FRMD3: variants seen among roughly 807,000 people sequenced by gnomAD.
The protein encoded by FRMD3 is FERM domain-containing protein 3.
FRMD3 carries 33 observed loss-of-function variants against 70.2 expected under a neutral mutation model. That is an observed-to-expected ratio of 0.47 (90% CI 0.36 to 0.63). The LOEUF is 0.63. FRMD3 is among the 20% of genes least tolerant of loss of function. The pLI is 0.00. For missense variants in FRMD3, 632 were observed against 711.4 expected (o/e 0.89, Z 1.27); for synonymous variants, 279 against 255.9 (o/e 1.09, Z -0.86).
chr9:83,343,239 C>A lies in FRMD3; in HGVS notation c.423G>T (p.Leu141=). The A allele has an allele frequency of 1.2e-6, 2 of 1,614,056 alleles. No homozygotes were observed. Among genetic ancestry groups the A allele is most frequent in the Non-Finnish European group, 1.7e-6 (2 of 1,179,946 alleles). ...AGGCAGCATCAGAAAAGGAGCACAG[C>A]AGGCGGCCATGAAAAATGTCCCTTT... ...QIKRDIFHGR[L]LCSFSDAAYL... Residue 141 remains leucine (L), a synonymous_variant, in exon 5 of 14, where the codon CTG becomes CTT. Coordinates refer to ENST00000304195, the MANE Select transcript of FRMD3 (RefSeq NM_174938.6).
Position 83,246,969 on chromosome 9 carries a change from C to G in FRMD3, c.*949G>C. 3 of 985,420 alleles carry G rather than the reference C, an allele frequency of 3.0e-6. No homozygotes were observed. The highest frequency in any genetic ancestry group is 3.6e-6 in the Non-Finnish European group (3 of 829,932). 61.0% of individuals were successfully genotyped at this position (985,420 alleles called of 1,614,324 possible). ...TTTCTCCAGTTCCTATCTGCCTTCA[C>G]TCTTGGGTTAATGTACATTGATATG... On this transcript the variant is annotated 3_prime_UTR_variant, in exon 14 of 14. Coordinates refer to ENST00000304195, the MANE Select transcript of FRMD3 (RefSeq NM_174938.6).
chr9:83,290,282 G>A (rs372256509), intron 13 of FRMD3, among the ~76,000 whole-genome samples: 1 of 152,186 alleles, frequency 6.6e-6, no homozygotes, highest in Non-Finnish European at 1.5e-5. Context: ...TAATTACAAT[G>A]AATTTAAACT....
intron 1 of FRMD3, among the ~76,000 whole-genome samples, chr9:83,414,046 A>C (rs1826354332): frequency 6.6e-6 from 1 of 152,150 alleles, no homozygotes; most frequent in Admixed American, 6.5e-5. Flanking sequence ...ACTTGTGTTC[A>C]AATAAAATTC....
intron 1 of FRMD3, among the ~76,000 whole-genome samples, chr9:83,510,976 C>T (rs149946115): frequency 1.3e-5 from 2 of 152,252 alleles, no homozygotes; most frequent in African/African-American, 2.4e-5. Flanking sequence ...TACTAACCAC[C>T]GTGGAATTAT....
the FRMD3 span, among the ~76,000 whole-genome samples, chr9:83,545,551 G>C: frequency 6.6e-6 from 1 of 151,902 alleles, no homozygotes; most frequent in Admixed American, 6.6e-5. Flanking sequence ...TAGAGATGGG[G>C]TTTCACCGTG....
chr9:83,377,309 T>C (rs79190687), intron 2 of FRMD3, among the ~76,000 whole-genome samples: 1,943 of 152,290 alleles, frequency 0.013, 33 homozygotes, highest in African/African-American at 0.044. Flanking sequence ...ATGAGACTAA[T>C]GGAAGGATAA....
the FRMD3 span, among the ~76,000 whole-genome samples, chr9:83,561,717 T>G: frequency 1.3e-5 from 2 of 152,300 alleles, no homozygotes; most frequent in Middle Eastern, 3.4e-3. Flanking sequence ...CTCAAAATGA[T>G]TCACATCACT....
chr9:83,260,522 T>TC (rs1176290814), intron 13 of FRMD3, among the ~76,000 whole-genome samples: 1 of 152,118 alleles, frequency 6.6e-6, no homozygotes, highest in East Asian at 1.9e-4. Context: ...CCTGGAACAG[T>TC]CCCACTCTAT....
intron 12 of FRMD3, among the ~76,000 whole-genome samples, chr9:83,294,683 T>C (rs532270479): frequency 2.0e-5 from 3 of 152,322 alleles, no homozygotes; most frequent in Admixed American, 2.0e-4. Context: ...GTAATGTGAC[T>C]AAAGACGCTT....
At chr9:83,357,226 TTATATATATATAATACATACATATA>T (rs1366979191) in intron 3 of FRMD3, among the ~76,000 whole-genome samples, 2 of 15,316 alleles carry the variant, frequency 1.3e-4, no homozygotes, top group African/African-American at 8.2e-4. Context: ...TATATATATT[TTATATATATATAATACATACATATA>T]TATATATATA....
At chr9:83,493,950 AG>A (rs1386250306) in intron 1 of FRMD3, among the ~76,000 whole-genome samples, 1 of 152,200 alleles carries the variant, frequency 6.6e-6, no homozygotes. Context: ...GTGAACTCAT[AG>A]GTACAGCTGC....
intron 1 of FRMD3, among the ~76,000 whole-genome samples, chr9:83,430,858 T>C (rs3860920): frequency 0.067 from 10,237 of 152,076 alleles, 410 homozygotes; most frequent in East Asian, 0.16. Context: ...TGGAGAGGAG[T>C]AACAAACAGC....
At chr9:83,479,435 G>A (rs1174304488) in intron 1 of FRMD3, among the ~76,000 whole-genome samples, 24 of 126,790 alleles carry the variant, frequency 1.9e-4, no homozygotes, top group African/African-American at 4.1e-4. Flanking sequence ...AGGGAAAGAA[G>A]GAAGGAAGGG....
At position 83,322,794 on chromosome 9, in the gene FRMD3, G is replaced by A. The variant is rs570509981; in HGVS notation, c.597-9047C>T. Among the ~76,000 whole-genome samples, 121 of 152,264 alleles carry A rather than the reference G, an allele frequency of 7.9e-4. 1 individual carries two copies. The highest frequency in any genetic ancestry group is 2.8e-3 in the African/African-American group (117 of 41,550). ...TAGTCAGTTCCCAGCTGGGCAAGCTGCCTCGAACCCTCTCCTTACTTCAAG... is the reference window on the plus strand; with the variant it reads ...TAGTCAGTTCCCAGCTGGGCAAGCTACCTCGAACCCTCTCCTTACTTCAAG... On this transcript the variant is annotated intron_variant, in intron 6 of 13. Coordinates refer to ENST00000304195, the MANE Select transcript of FRMD3 (RefSeq NM_174938.6).
intron 1 of FRMD3, among the ~76,000 whole-genome samples, chr9:83,395,234 G>A (rs2131307821): frequency 6.8e-6 from 1 of 147,446 alleles, no homozygotes; most frequent in African/African-American, 2.5e-5. Flanking sequence ...AGGAAGTTAA[G>A]TGGAATAGTA....
chr9:83,360,178 T>C (rs1440408682), intron 3 of FRMD3, among the ~76,000 whole-genome samples: 1 of 152,186 alleles, frequency 6.6e-6, no homozygotes, highest in African/African-American at 2.4e-5. Context: ...CACATGAAAC[T>C]GAAGGCAAGA....
In FRMD3 at chr9:83,342,419, T is replaced by C. The variant is rs549291773; in HGVS notation, c.472+771A>G. Among the ~76,000 whole-genome samples the C allele has an allele frequency of 2.0e-5, 3 of 152,256 alleles. No homozygotes were observed. In the South Asian group the frequency reaches 6.2e-4, roughly 32 times the overall value. Reference sequence around the variant, plus strand: ...GCCTGGTGCAGAGTGGTCTCTGAAATCACATGGCAAGGAAGGGAGGATGAC... The same window carrying C: ...GCCTGGTGCAGAGTGGTCTCTGAAACCACATGGCAAGGAAGGGAGGATGAC... On this transcript the variant is annotated intron_variant, in intron 5 of 13. Transcript: ENST00000304195.
At chr9:83,316,062 T>G (rs1835554165) in intron 6 of FRMD3, among the ~76,000 whole-genome samples, 1 of 152,148 alleles carries the variant, frequency 6.6e-6, no homozygotes, top group Non-Finnish European at 1.5e-5. Flanking sequence ...TTTCTCCTAT[T>G]CCTTTTCTAA....
chr9:83,317,641 T>C (rs755252352), intron 6 of FRMD3, among the ~76,000 whole-genome samples: 1 of 152,226 alleles, frequency 6.6e-6, no homozygotes, highest in Non-Finnish European at 1.5e-5. Flanking sequence ...ATCATTTGGA[T>C]GTTCACTTTG....
Sources: gnomAD v4.1 joint callset for allele counts (sites outside exome capture counted in the v4.1 genomes callset) on GRCh38, gnomAD v4.1.1 for gene constraint, MANE v1.5 for transcripts, NCBI Gene and HGNC (gene_info 2026-07-23, HGNC 2026-07-21) for gene names.